Variants in ZNF721 observed in about 807,000 individuals in gnomAD.
ZNF721 encodes zinc finger protein 721.
ZNF721 carries 2 observed loss-of-function variants against 2.4 expected under a neutral mutation model. The ratio of observed to expected loss-of-function variants is 0.82; its 90% CI spans 0.34 to 2.58. The LOEUF is 2.58. Among genes scored for constraint, ZNF721 ranks in the 30% most tolerant of loss-of-function variants. The pLI, the probability that ZNF721 is intolerant of heterozygous loss-of-function variation, is 0.11. For missense variants in ZNF721, 1,187 were observed against 1,085.5 expected, an observed-to-expected ratio of 1.09 and a Z score of -1.31; for synonymous variants, 398 against 381.8, an observed-to-expected ratio of 1.04 and a Z score of -0.50.
At chr4:448,034 G>T (rs549088415) in intron 2 of ZNF721, among the ~76,000 whole-genome samples, 19 of 152,162 alleles carry the variant, frequency 1.2e-4, no homozygotes, top group African/African-American at 4.6e-4. Flanking sequence ...AAGGAAACAG[G>T]AGACTTGAAA....
intron 1 of ZNF721, among the ~76,000 whole-genome samples, chr4:473,724 G>C (rs1282317449): frequency 3.9e-5 from 6 of 152,206 alleles, no homozygotes; most frequent in Non-Finnish European, 7.3e-5. Flanking sequence ...TTCCCGATGA[G>C]CTTCTCCTCA....
chr4:492,176 C>A (rs6829008), intron 1 of ZNF721, among the ~76,000 whole-genome samples: 1,532 of 149,336 alleles, frequency 0.01, 24 homozygotes, highest in African/African-American at 0.036. Flanking sequence ...AAAAAAAAAA[C>A]AAACAAACAA....
rs1308382975 is a variant in ZNF721, at chr4:444,323, T to C, written c.144A>G (p.Gln48=). The change falls in exon 3 of 3, where the codon CAA becomes CAG. Residue 48 remains glutamine (Q), a synonymous_variant. Transcript: ENST00000511833. ...RYEKCGHDNL[Q]LRKGCKSMNV... is the part of the protein sequence containing the mutation. ...TCATACTTTTACAGCCTTTCCTTAA[T>C]TGTAAATTATCATGCCCACATTTCT... 3 of 1,614,172 alleles carry C rather than the reference T, an allele frequency of 1.9e-6. No homozygotes were observed. The highest frequency in any genetic ancestry group is 2.2e-5 in the East Asian group (1 of 44,866).
chr4:474,751 C>T (rs11943005), intron 1 of ZNF721, among the ~76,000 whole-genome samples: 10,873 of 151,864 alleles, frequency 0.072, 657 homozygotes, highest in African/African-American at 0.17. Context: ...TGGTGGGCGC[C>T]TGTAATCCCA....
At chr4:498,977 G>T (rs1334084943) in intron 1 of ZNF721, 79 bp downstream of exon 1, 2 of 249,260 alleles carry the variant, frequency 8.0e-6, no homozygotes, top group Non-Finnish European at 7.9e-6. Flanking sequence ...GCCCGCCTCG[G>T]CCTCCCAAAG....
intron 2 of ZNF721, among the ~76,000 whole-genome samples, chr4:453,122 T>G (rs977778800): frequency 2.6e-4 from 39 of 152,174 alleles, no homozygotes; most frequent in African/African-American, 9.2e-4. Context: ...CTGGTGGCAC[T>G]CGACGCTAGA....
chr4:481,428 AT>A (rs1389763147), intron 1 of ZNF721, among the ~76,000 whole-genome samples: 1 of 152,138 alleles, frequency 6.6e-6, no homozygotes, highest in Non-Finnish European at 1.5e-5. Context: ...TCAAAAACTA[AT>A]TTTGATTATT....
intron 2 of ZNF721, among the ~76,000 whole-genome samples, chr4:455,098 TA>T (rs1276599293): frequency 6.6e-6 from 1 of 152,196 alleles, no homozygotes; most frequent in Non-Finnish European, 1.5e-5. Context: ...CTGGTGAATG[TA>T]AATATATGTA....
chr4:451,454 T>C (rs541541717), intron 2 of ZNF721, among the ~76,000 whole-genome samples: 1 of 151,950 alleles, frequency 6.6e-6, no homozygotes, highest in African/African-American at 2.4e-5. Flanking sequence ...ATAGCTAGGG[T>C]CTCATAGCAT....
chr4:441,589 C>A lies in ZNF721; in HGVS notation c.*106G>T. ...CTTATGATTAGAAAGGATTGAGGAGCATTTAAAGACCGCGACATTCGTCAC... is the reference window on the plus strand; with the variant it reads ...CTTATGATTAGAAAGGATTGAGGAGAATTTAAAGACCGCGACATTCGTCAC... On this transcript the variant is annotated 3_prime_UTR_variant, in exon 3 of 3. Coordinates refer to ENST00000511833, the MANE Select transcript of ZNF721 (RefSeq NM_133474.4). The A allele has an allele frequency of 1.1e-6, 1 of 894,518 alleles. No individual in the cohort carries two copies. Among genetic ancestry groups the A allele is most frequent in the Non-Finnish European group, 1.7e-6 (1 of 599,008 alleles). The allele number at this position is 894,518 out of a possible 1,614,324, so 55.4% of individuals were successfully genotyped here.
chr4:498,962 G>C (rs1716508307), intron 1 of ZNF721, 94 bp downstream of exon 1: 1 of 239,160 alleles, frequency 4.2e-6, no homozygotes, highest in African/African-American at 2.4e-5. Context: ...CTGACCTCGT[G>C]ATCCGCCCGC....
chr4:443,520 T>C lies in ZNF721; in HGVS notation c.947A>G (p.Gln316Arg). 1.2e-6 allele frequency: 2 copies of C among 1,613,472 alleles called. No homozygotes were observed. The highest frequency in any genetic ancestry group is 1.7e-6 in the Non-Finnish European group (2 of 1,179,864). The change falls in exon 3 of 3, where the codon CAG becomes CGG. Residue 316 changes from glutamine to arginine, a missense_variant. Physicochemically the swap from Gln to Arg is conservative, Grantham distance 43 (BLOSUM62 1). Transcript: ENST00000511833. Reference sequence around the variant, plus strand: ...CCTATGTACATAAAGGTTTGCGGACTGTCTAAAGGCTTTGCCACATACTTC... The same window carrying C: ...CCTATGTACATAAAGGTTTGCGGACCGTCTAAAGGCTTTGCCACATACTTC... ...TCEVCGKAFR[Q>R]SANLYVHRRI...
chr4:466,217 C>T lies in ZNF721; in HGVS notation c.34+6358G>A, dbSNP rs189557510. Among the ~76,000 whole-genome samples, 19 of 152,116 alleles carry T rather than the reference C, an allele frequency of 1.2e-4. No homozygotes were observed. In the South Asian group the frequency reaches 3.3e-3, roughly 27 times the overall value. On this transcript the variant is annotated intron_variant, in intron 2 of 2. Coordinates refer to ENST00000511833, the MANE Select transcript of ZNF721 (RefSeq NM_133474.4). ...GGGTAGTAAGAAAAAGGAATTAAGA[C>T]ACTCTACCTGCCACCCTGCATGCGT...
chr4:498,752 G>C lies in ZNF721; in HGVS notation c.-94+304C>G, dbSNP rs542699173. 3.1e-3 allele frequency among the ~76,000 whole-genome samples: 443 copies of C among 142,938 alleles called. 1 individual carries two copies. The highest frequency in any genetic ancestry group is 0.011 in the African/African-American group (428 of 38,568). 93.8% of individuals were successfully genotyped at this position (142,938 alleles called of 152,430 possible). On this transcript the variant is annotated intron_variant, in intron 1 of 2. Coordinates refer to ENST00000511833, the MANE Select transcript of ZNF721 (RefSeq NM_133474.4). Reference sequence around the variant, plus strand: ...TTTTTTTTTTTTTTTTTGAGACGCAGTCTCGCTCTGTTGCCAGGCAGAAGT... The same window carrying C: ...TTTTTTTTTTTTTTTTTGAGACGCACTCTCGCTCTGTTGCCAGGCAGAAGT...
intron 1 of ZNF721, among the ~76,000 whole-genome samples, chr4:490,140 G>A (rs1715985266): frequency 6.6e-6 from 1 of 151,264 alleles, no homozygotes; most frequent in Non-Finnish European, 1.5e-5. Context: ...TTACAAGAGT[G>A]AGACACCGTG....
chr4:442,821 C>T lies in ZNF721; in HGVS notation c.1646G>A (p.Arg549Lys). 1 of 1,613,706 alleles carries T rather than the reference C, an allele frequency of 6.2e-7. No homozygotes were observed. Among genetic ancestry groups the T allele is most frequent in the East Asian group, 2.2e-5 (1 of 44,786 alleles). Reference sequence around the variant, plus strand: ...GTAGGGTTTCTCTCCAGTATGAATTCTCCTATGTACATAAAGGATTGCGGA... The same window carrying T: ...GTAGGGTTTCTCTCCAGTATGAATTTTCCTATGTACATAAAGGATTGCGGA... Reference protein sequence around the residue: ...RQSAILYVHRRIHTGEKPYTC... With the variant: ...RQSAILYVHRKIHTGEKPYTC... Residue 549 changes from arginine to lysine, a missense_variant, in exon 3 of 3, where the codon AGA (arginine) becomes AAA (lysine). Arg to Lys is a conservative substitution (Grantham distance 26). Transcript: ENST00000511833.
At chr4:492,815 A>C (rs1442984435) in intron 1 of ZNF721, among the ~76,000 whole-genome samples, 2 of 150,300 alleles carry the variant, frequency 1.3e-5, no homozygotes, top group Non-Finnish European at 3.0e-5. Context: ...AAAAAACCTC[A>C]CTTTATTTTT....
chr4:443,759 C>G lies in ZNF721; in HGVS notation c.708G>C (p.Leu236=). ...CAGTATGAATTTTCTCATGTTTATT[C>G]AGGTGTGAGGAATGCATAAAGGCTT... The part of the protein sequence containing the change: ...CGKAFMHSSH[L]NKHEKIHTGE... Residue 236 remains leucine (L), a synonymous_variant, in exon 3 of 3, where the codon CTG becomes CTC. Transcript: ENST00000511833. The G allele has an allele frequency of 6.2e-7, 1 of 1,613,720 alleles. No homozygotes were observed. The highest frequency in any genetic ancestry group is 8.5e-7 in the Non-Finnish European group (1 of 1,179,906).
At position 494,451 on chromosome 4, in the gene ZNF721, G is replaced by A. The variant is rs1328540928; in HGVS notation, c.-94+4605C>T. ...TCCACCCACCTCGGCCTCCCAAAAT[G>A]CTGGGATTACAGTCGTGAACCACCG... On this transcript the variant is annotated intron_variant, in intron 1 of 2. Coordinates refer to ENST00000511833, the MANE Select transcript of ZNF721 (RefSeq NM_133474.4). Among the ~76,000 whole-genome samples, 5 of 152,036 alleles carry A rather than the reference G, an allele frequency of 3.3e-5. No individual in the cohort carries two copies. The East Asian group carries it at 9.6e-4, about 29-fold the overall frequency.
Sources: gnomAD v4.1 joint callset for allele counts (sites outside exome capture counted in the v4.1 genomes callset) on GRCh38, gnomAD v4.1.1 for gene constraint, MANE v1.5 for transcripts, NCBI Gene and HGNC (gene_info 2026-07-23, HGNC 2026-07-21) for gene names.